PSTPIP2: variants seen among roughly 807,000 people sequenced by gnomAD.
PSTPIP2 encodes proline-serine-threonine phosphatase-interacting protein 2.
A neutral mutation model predicts 63.3 loss-of-function variants in PSTPIP2; 33 were observed. The ratio of observed to expected loss-of-function variants is 0.52; its 90% CI spans 0.40 to 0.70. The LOEUF is 0.70. PSTPIP2 is among the 30% of genes least tolerant of loss of function. The pLI, the probability that PSTPIP2 is intolerant of heterozygous loss-of-function variation, is 0.00. For synonymous variants in PSTPIP2, 125 were observed against 132.7 expected, an observed-to-expected ratio of 0.94 and a Z score of 0.40; for missense variants, 312 against 400.7, an observed-to-expected ratio of 0.78 and a Z score of 1.89.
intron 2 of PSTPIP2, among the ~76,000 whole-genome samples, chr18:46,039,037 G>T (rs1041964153): frequency 1.3e-5 from 2 of 152,162 alleles, no homozygotes; most frequent in Non-Finnish European, 2.9e-5. Flanking sequence ...GAAAGTGAGA[G>T]AGTTGACCGA....
intron 1 of PSTPIP2, among the ~76,000 whole-genome samples, chr18:46,071,404 G>A (rs9783888): frequency 6.6e-6 from 1 of 151,966 alleles, no homozygotes; most frequent in Non-Finnish European, 1.5e-5. Flanking sequence ...GAGGGAAGAG[G>A]ACTAGACAGA....
intron 1 of PSTPIP2, chr18:46,041,055 C>A: frequency 2.2e-6 from 1 of 458,178 alleles, no homozygotes; most frequent in East Asian, 6.8e-5. Context: ...CCTGATAGCT[C>A]TTCCTACCAC....
intron 7 of PSTPIP2, among the ~76,000 whole-genome samples, chr18:45,999,054 C>T (rs946603482): frequency 3.9e-5 from 6 of 152,122 alleles, no homozygotes; most frequent in African/African-American, 1.4e-4. Flanking sequence ...CAGTGTCTTC[C>T]TAAAGACACA....
intron 3 of PSTPIP2, among the ~76,000 whole-genome samples, chr18:46,019,828 C>T (rs554084650): frequency 1.3e-5 from 2 of 151,992 alleles, no homozygotes; most frequent in South Asian, 2.1e-4. Flanking sequence ...TAAAAAGTGT[C>T]CATATCCAAA....
chr18:46,069,063 G>A (rs1303095628), intron 1 of PSTPIP2, among the ~76,000 whole-genome samples: 3 of 152,126 alleles, frequency 2.0e-5, no homozygotes, highest in Admixed American at 1.3e-4. Context: ...AAGAACCTTG[G>A]GAATCAGGAA....
rs1447863522 is a variant in PSTPIP2, at chr18:45,985,039, G to A, written c.*420C>T. On this transcript the variant is annotated 3_prime_UTR_variant, in exon 15 of 15. Transcript: ENST00000409746. ...AGGTAATTTTAAATCTTGCACCACTGAGGCTGTGTGTCGCCGTGGAAACTC... is the reference window on the plus strand; with the variant it reads ...AGGTAATTTTAAATCTTGCACCACTAAGGCTGTGTGTCGCCGTGGAAACTC... 5.0e-6 allele frequency: 1 copy of A among 201,410 alleles called. No individual in the cohort carries two copies. Among genetic ancestry groups the A allele is most frequent in the African/African-American group, 2.3e-5 (1 of 42,752 alleles). The allele number at this position is 201,410 out of a possible 1,614,324, so 12.5% of individuals were successfully genotyped here.
chr18:45,996,697 A>G (rs1341286933), intron 9 of PSTPIP2, among the ~76,000 whole-genome samples: 2 of 152,218 alleles, frequency 1.3e-5, no homozygotes, highest in East Asian at 3.9e-4. Context: ...TCAGGAGGCA[A>G]AGGTGGAAGG....
intron 5 of PSTPIP2, among the ~76,000 whole-genome samples, chr18:46,009,029 C>G (rs1015559497): frequency 6.6e-6 from 1 of 152,074 alleles, no homozygotes; most frequent in East Asian, 1.9e-4. Context: ...TCCTCCCCCC[C>G]ATCATGTAAG....
At chr18:46,000,470 G>A (rs1416352514) in intron 6 of PSTPIP2, among the ~76,000 whole-genome samples, 3 of 152,114 alleles carry the variant, frequency 2.0e-5, no homozygotes, top group Admixed American at 6.5e-5. Context: ...GGGTTCAAGC[G>A]ATTCTCCTGC....
chr18:46,007,579 G>A (rs1568214367), intron 5 of PSTPIP2, among the ~76,000 whole-genome samples: 1 of 152,240 alleles, frequency 6.6e-6, no homozygotes, highest in Non-Finnish European at 1.5e-5. Context: ...ACACAGAGCA[G>A]ATCAGTTAGC....
intron 6 of PSTPIP2, among the ~76,000 whole-genome samples, chr18:46,001,440 T>A (rs1483146242): frequency 6.6e-6 from 1 of 152,142 alleles, no homozygotes; most frequent in Non-Finnish European, 1.5e-5. Context: ...TTTTAACCAA[T>A]TGTTTGTTTT....
chr18:46,010,815 C>T, intron 5 of PSTPIP2: 1 of 190,908 alleles, frequency 5.2e-6, no homozygotes, highest in African/African-American at 2.3e-5. Context: ...CTTCTCCCTT[C>T]CCCTATTGCC....
intron 1 of PSTPIP2, among the ~76,000 whole-genome samples, chr18:46,045,282 C>A (rs1388459295): frequency 6.6e-6 from 1 of 152,120 alleles, no homozygotes; most frequent in Non-Finnish European, 1.5e-5. Context: ...CAATGACAGA[C>A]TGGATTAAGA....
chr18:46,043,403 AAAAAG>A (rs1908266432), intron 1 of PSTPIP2, among the ~76,000 whole-genome samples: 2 of 152,068 alleles, frequency 1.3e-5, no homozygotes, highest in Admixed American at 6.5e-5. Flanking sequence ...AATGAAAAAA[AAAAAG>A]AAAAGAAAAG....
At chr18:46,033,918 T>G (rs1448732990) in intron 2 of PSTPIP2, among the ~76,000 whole-genome samples, 1 of 152,158 alleles carries the variant, frequency 6.6e-6, no homozygotes, top group African/African-American at 2.4e-5. Flanking sequence ...GCCTATGGAC[T>G]TGTGAGAGAA....
chr18:46,067,295 G>C (rs925955915), intron 1 of PSTPIP2, among the ~76,000 whole-genome samples: 2 of 151,824 alleles, frequency 1.3e-5, no homozygotes, highest in Admixed American at 6.6e-5. Context: ...GAGATCAGGA[G>C]ATCGAGACCA....
intron 5 of PSTPIP2, among the ~76,000 whole-genome samples, chr18:46,006,802 C>G (rs1398200044): frequency 2.0e-5 from 3 of 152,160 alleles, no homozygotes; most frequent in Admixed American, 2.0e-4. Context: ...ATGTACCTCC[C>G]AGACATAATT....
chr18:46,037,908 A>T (rs561746024), intron 2 of PSTPIP2, among the ~76,000 whole-genome samples: 3 of 152,110 alleles, frequency 2.0e-5, no homozygotes, highest in African/African-American at 7.2e-5. Flanking sequence ...ATAATCAACA[A>T]TTTTTATTCT....
chr18:45,992,140 A>C lies in PSTPIP2; in HGVS notation c.804T>G (p.Phe268Leu). Reference sequence around the variant, plus strand: ...TCTGTCCAGTTTTGCGTTGATTCACAAAGTATTCAATGTCCCTCTGAATGC... The same window carrying C: ...TCTGTCCAGTTTTGCGTTGATTCACCAAGTATTCAATGTCCCTCTGAATGC... ...MCSIQRDIEY[F>L]VNQRKTGQIP... The change falls in exon 11 of 15, where the codon TTT (phenylalanine) becomes TTG (leucine). Residue 268 changes from phenylalanine to leucine, a missense_variant. Transcript: ENST00000409746. The C allele has an allele frequency of 6.2e-7, 1 of 1,609,024 alleles. No homozygotes were observed. Among genetic ancestry groups the C allele is most frequent in the Non-Finnish European group, 8.5e-7 (1 of 1,177,470 alleles).
Sources: gnomAD v4.1 joint callset for allele counts (sites outside exome capture counted in the v4.1 genomes callset) on GRCh38, gnomAD v4.1.1 for gene constraint, MANE v1.5 for transcripts, NCBI Gene and HGNC (gene_info 2026-07-23, HGNC 2026-07-21) for gene names.